Variants in NOVA2 observed in about 807,000 individuals in gnomAD.
The protein encoded by NOVA2 is RNA-binding protein Nova-2.
NOVA2 carries 9 observed loss-of-function variants against 22.5 expected under a neutral mutation model. The ratio of observed to expected loss-of-function variants is 0.40; its 90% CI spans 0.24 to 0.70. The LOEUF (loss-of-function observed/expected upper bound fraction) is 0.70, where lower values mean the gene tolerates loss of function less well. NOVA2 is among the 30% of genes least tolerant of loss of function. NOVA2 has a pLI of 0.38. For missense variants in NOVA2, 383 were observed against 682.8 expected (o/e 0.56, Z 4.89); for synonymous variants, 318 against 335.2 (o/e 0.95, Z 0.56).
intron 3 of NOVA2, among the ~76,000 whole-genome samples, chr19:45,943,781 A>G (rs1282648961): frequency 1.3e-5 from 2 of 152,004 alleles, no homozygotes; most frequent in African/African-American, 4.8e-5. Flanking sequence ...ATCCCCCCCA[A>G]AATAAATAAG....
At chr19:45,942,883 C>T (rs962563799) in intron 3 of NOVA2, among the ~76,000 whole-genome samples, 3 of 151,558 alleles carry the variant, frequency 2.0e-5, no homozygotes, top group Non-Finnish European at 2.9e-5. Flanking sequence ...CTTCCCATGT[C>T]CCCTTAAACC....
At position 45,940,667 on chromosome 19, in the gene NOVA2, G is replaced by T; in HGVS notation, c.675C>A (p.Asn225Lys). The change falls in exon 4 of 4, where the codon AAC becomes AAA. Residue 225 changes from asparagine to lysine, a missense_variant. Physicochemically the swap from Asn to Lys is moderately conservative, Grantham distance 94 (BLOSUM62 0). Transcript: ENST00000263257. ...ANVAGPVANS[N>K]PTGSPYASPA... ...GGCTGGCGTACGGAGAGCCGGTGGG[G>T]TTGGAGTTGGCCACGGGGCCTGCCA... 1 of 1,593,626 alleles carries T rather than the reference G, an allele frequency of 6.3e-7. No homozygotes were observed. Among genetic ancestry groups the T allele is most frequent in the Non-Finnish European group, 8.5e-7 (1 of 1,172,158 alleles).
rs1249149911 is a variant in NOVA2 at position 45,946,930 on chromosome 19, ACATGCATGCACATGTGTT to A, written c.397-6003_397-5986del. On this transcript the variant is annotated intron_variant, in intron 3 of 3. Coordinates refer to ENST00000263257, the MANE Select transcript of NOVA2 (RefSeq NM_002516.4). Reference sequence around the variant, plus strand: ...TGTGTGTGCGCACGCGCATGTACACACATGCATGCACATGTGTTCATGCATGCACAAATGTTAACAACT... The same window carrying A: ...TGTGTGTGCGCACGCGCATGTACACACATGCATGCACAAATGTTAACAACT... 1.2e-4 allele frequency among the ~76,000 whole-genome samples: 18 copies of A among 152,066 alleles called. No homozygotes were observed. In the East Asian group the frequency reaches 2.5e-3, roughly 21 times the overall value.
At chr19:45,950,567 A>T (rs1180506240) in intron 3 of NOVA2, among the ~76,000 whole-genome samples, 1 of 152,250 alleles carries the variant, frequency 6.6e-6, no homozygotes, top group South Asian at 2.1e-4. Context: ...TTGTAGAACT[A>T]CAGCATCTTA....
chr19:45,952,438 T>G (rs1340689464), intron 3 of NOVA2, among the ~76,000 whole-genome samples: 1 of 152,184 alleles, frequency 6.6e-6, no homozygotes, highest in Non-Finnish European at 1.5e-5. Context: ...TCCCTCAGTC[T>G]TTGGAACACT....
At chr19:45,953,163 C>G (rs1967951474) in intron 3 of NOVA2, among the ~76,000 whole-genome samples, 2 of 152,308 alleles carry the variant, frequency 1.3e-5, no homozygotes, top group African/African-American at 4.8e-5. Context: ...TCATGGCAAC[C>G]GGACAGGCCC....
chr19:45,955,364 G>C (rs897259207), intron 2 of NOVA2, among the ~76,000 whole-genome samples: 2 of 152,192 alleles, frequency 1.3e-5, no homozygotes, highest in African/African-American at 2.4e-5. Context: ...GTAGACTCAG[G>C]TGTCAGTTTG....
At chr19:45,956,063 G>A (rs916833250) in intron 2 of NOVA2, among the ~76,000 whole-genome samples, 8 of 152,214 alleles carry the variant, frequency 5.3e-5, no homozygotes, top group Middle Eastern at 3.4e-3. Flanking sequence ...GTGTCTGGGC[G>A]TCACTGTCTG....
At chr19:45,949,003 G>A (rs1170941777) in intron 3 of NOVA2, among the ~76,000 whole-genome samples, 1 of 152,138 alleles carries the variant, frequency 6.6e-6, no homozygotes, top group African/African-American at 2.4e-5. Context: ...AACCTCGAAA[G>A]TATTACATCA....
chr19:45,954,080 G>C, intron 2 of NOVA2, 134 bp from the exon 3 acceptor site: 1 of 957,304 alleles, frequency 1.0e-6, no homozygotes, highest in South Asian at 1.6e-5. Flanking sequence ...GGTGAGCCTG[G>C]GGGAGCGGGC....
At position 45,940,877 on chromosome 19, in the gene NOVA2, G is replaced by A. The variant is rs762940279; in HGVS notation, c.465C>T (p.Ala155=). The A allele has an allele frequency of 6.4e-5, 103 of 1,606,142 alleles. No homozygotes were observed. The highest frequency in any genetic ancestry group is 1.2e-4 in the African/African-American group (9 of 74,924). ...IIGKGGATVK[A]VMEQSGAWVQ... is the part of the protein sequence containing the mutation. ...CCCATGCTCCTGACTGTTCCATCAC[G>A]GCTTTCACCGTGGCGCCTCCCTTGC... Residue 155 remains alanine (A), a synonymous_variant, in exon 4 of 4, where the codon GCC becomes GCT. Transcript: ENST00000263257.
intron 2 of NOVA2, among the ~76,000 whole-genome samples, chr19:45,954,689 A>C (rs955552489): frequency 4.0e-5 from 6 of 151,654 alleles, no homozygotes; most frequent in African/African-American, 1.5e-4. Flanking sequence ...GAGATTCTCC[A>C]GATACTGGCT....
intron 3 of NOVA2, among the ~76,000 whole-genome samples, chr19:45,948,508 G>A (rs1196384590): frequency 4.6e-5 from 7 of 151,044 alleles, no homozygotes; most frequent in Admixed American, 3.3e-4. Context: ...GCTGAGGCAG[G>A]AGAATGGCGT....
intron 1 of NOVA2, among the ~76,000 whole-genome samples, chr19:45,965,467 G>A (rs1600619222): frequency 6.6e-6 from 1 of 152,206 alleles, no homozygotes; most frequent in South Asian, 2.1e-4. Context: ...AGTGGCTCAC[G>A]CCTGTAATCC....
intron 1 of NOVA2, among the ~76,000 whole-genome samples, chr19:45,964,348 T>TTGTGTGTGTGTG (rs57818599): frequency 1.7e-5 from 2 of 119,508 alleles, no homozygotes; most frequent in African/African-American, 6.5e-5. Context: ...CCCGGCTAAT[T>TTGTGTGTGTGTG]TGTGTGTGTG....
At chr19:45,946,371 C>T (rs1006432102) in intron 3 of NOVA2, among the ~76,000 whole-genome samples, 1 of 152,164 alleles carries the variant, frequency 6.6e-6, no homozygotes, top group African/African-American at 2.4e-5. Context: ...AAATGCAAAG[C>T]ACGAATGTTG....
At chr19:45,961,209 G>C (rs1189411621) in intron 1 of NOVA2, 56 bp from the exon 2 acceptor site, 2 of 1,359,918 alleles carry the variant, frequency 1.5e-6, no homozygotes, top group Non-Finnish European at 2.1e-6. Flanking sequence ...TTCACCTTTG[G>C]AGGGGGTGAG....
At chr19:45,952,953 G>A (rs901595837) in intron 3 of NOVA2, among the ~76,000 whole-genome samples, 3 of 152,198 alleles carry the variant, frequency 2.0e-5, no homozygotes, top group Non-Finnish European at 2.9e-5. Flanking sequence ...CTAGGTAGAC[G>A]TTAACGAGCC....
rs573371982 is a variant in NOVA2, at chr19:45,968,986, C to G, written c.85+4281G>C. Among the ~76,000 whole-genome samples the G allele has an allele frequency of 2.0e-5, 3 of 151,986 alleles. No individual in the cohort carries two copies. The East Asian group carries it at 5.8e-4, about 29-fold the overall frequency. ...TCAGCCTGGTCAACATGATGAAACCCCATCTCTACTAAAAATACAGAAGTT... is the reference window on the plus strand; with the variant it reads ...TCAGCCTGGTCAACATGATGAAACCGCATCTCTACTAAAAATACAGAAGTT... On this transcript the variant is annotated intron_variant, in intron 1 of 3. Transcript: ENST00000263257.
Sources: allele counts gnomAD v4.1 joint callset (sites outside exome capture counted in the v4.1 genomes callset), GRCh38; gene constraint gnomAD v4.1.1; transcripts MANE v1.5; gene names NCBI Gene and HGNC (gene_info 2026-07-23, HGNC 2026-07-21).